SYT9: variants seen among roughly 807,000 people sequenced by gnomAD.
SYT9 encodes synaptotagmin-9.
A neutral mutation model predicts 48.4 loss-of-function variants in SYT9; 22 were observed. That is an observed-to-expected ratio of 0.45 (90% CI 0.32 to 0.65). The LOEUF (loss-of-function observed/expected upper bound fraction) is 0.65. Ranked by LOEUF, SYT9 falls within the 30% of genes least tolerant of loss-of-function variation. The pLI, the probability that SYT9 is intolerant of heterozygous loss-of-function variation, is 0.03. For missense variants in SYT9, 577 were observed against 622.0 expected (o/e 0.93, Z 0.77); for synonymous variants, 265 against 245.0 (o/e 1.08, Z -0.76).
chr11:7,407,394 G>A lies in SYT9; in HGVS notation c.1045-8648G>A, dbSNP rs1180449885. 7.6e-5 allele frequency among the ~76,000 whole-genome samples: 2 copies of A among 26,476 alleles called. 1 individual carries two copies. The highest frequency in any genetic ancestry group is 1.2e-4 in the Non-Finnish European group (2 of 17,098). 17.4% of individuals were successfully genotyped at this position (26,476 alleles called of 152,430 possible). ...TTTTTTTTTTTTTTTTTTTTTTTGA[G>A]ACGGAGTCTCGCTCTGTCGCCCAGG... On this transcript the variant is annotated intron_variant, in intron 3 of 6. Transcript: ENST00000318881.
At chr11:7,345,864 T>A (rs10769780) in intron 3 of SYT9, among the ~76,000 whole-genome samples, 1 of 152,116 alleles carries the variant, frequency 6.6e-6, no homozygotes, top group African/African-American at 2.4e-5. Flanking sequence ...AGAATACTAA[T>A]GTTTAGACTT....
chr11:7,374,046 A>G (rs1369216404), intron 3 of SYT9, among the ~76,000 whole-genome samples: 4 of 151,922 alleles, frequency 2.6e-5, no homozygotes, highest in Non-Finnish European at 5.9e-5. Flanking sequence ...TACATTAGGT[A>G]TTTCTCCCAA....
chr11:7,342,767 T>C (rs1849736687), intron 3 of SYT9, among the ~76,000 whole-genome samples: 1 of 152,156 alleles, frequency 6.6e-6, no homozygotes. Flanking sequence ...AACACCACAT[T>C]TCCCTTCCAC....
chr11:7,437,847 CAA>C (rs1470526559), intron 6 of SYT9: 2 of 152,194 alleles, frequency 1.3e-5, no homozygotes, highest in African/African-American at 2.4e-5. Context: ...ATAGAGAGAC[CAA>C]CTGTGTTTAT....
intron 1 of SYT9, among the ~76,000 whole-genome samples, chr11:7,270,193 A>G (rs951595607): frequency 5.3e-5 from 8 of 152,118 alleles, no homozygotes; most frequent in Non-Finnish European, 1.2e-4. Flanking sequence ...TTATTATATA[A>G]ATATATATTT....
chr11:7,324,128 T>A (rs1849385734), intron 3 of SYT9, among the ~76,000 whole-genome samples: 1 of 151,966 alleles, frequency 6.6e-6, no homozygotes. Flanking sequence ...AATTATTTTT[T>A]ATTTCATTGA....
At chr11:7,414,097 C>G (rs1482485572) in intron 3 of SYT9, among the ~76,000 whole-genome samples, 2 of 152,218 alleles carry the variant, frequency 1.3e-5, no homozygotes, top group Non-Finnish European at 2.9e-5. Flanking sequence ...TGACACATCA[C>G]ATTTAATTAT....
intron 3 of SYT9, among the ~76,000 whole-genome samples, chr11:7,386,450 A>G (rs185559339): frequency 1.9e-3 from 69 of 35,616 alleles, no homozygotes; most frequent in African/African-American, 3.5e-3. Flanking sequence ...CAAATTTACA[A>G]GAAAAAAAAA....
chr11:7,239,159 C>A (rs1847714696), intron 1 of SYT9, among the ~76,000 whole-genome samples: 1 of 152,086 alleles, frequency 6.6e-6, no homozygotes, highest in Admixed American at 6.6e-5. Context: ...GACATAAAAA[C>A]CTTTGAAGGC....
At chr11:7,370,635 G>T (rs1375874270) in intron 3 of SYT9, among the ~76,000 whole-genome samples, 3 of 152,066 alleles carry the variant, frequency 2.0e-5, no homozygotes, top group Non-Finnish European at 1.5e-5. Context: ...GCAACCCTAT[G>T]CTCACTCAAA....
chr11:7,296,099 G>GA (rs1021534042), intron 1 of SYT9, among the ~76,000 whole-genome samples: 1 of 152,004 alleles, frequency 6.6e-6, no homozygotes, highest in Non-Finnish European at 1.5e-5. Flanking sequence ...GATACCTCAT[G>GA]AAAAAAACAG....
intron 6 of SYT9, chr11:7,440,714 C>T (rs543832504): frequency 1.3e-4 from 20 of 152,326 alleles, no homozygotes; most frequent in African/African-American, 4.8e-4. Context: ...AGTGGACTTA[C>T]AAGAATAGGT....
chr11:7,252,170 G>A lies in SYT9; in HGVS notation c.-17G>A. 7.0e-7 allele frequency: 1 copy of A among 1,430,506 alleles called. No homozygotes were observed. The highest frequency in any genetic ancestry group is 9.1e-7 in the Non-Finnish European group (1 of 1,095,138). 88.6% of individuals were successfully genotyped at this position (1,430,506 alleles called of 1,614,324 possible). ...TGCGCCCGCCTGCCCGGCGCGGTCC[G>A]AGGATGCGGGGGGGCGATGCCCGGG... On this transcript the variant is annotated 5_prime_UTR_variant, in exon 1 of 7. Coordinates refer to ENST00000318881, the MANE Select transcript of SYT9 (RefSeq NM_175733.4). This position sits in a 1 kb window ranked among gnomAD's most constrained non-coding sequence, Gnocchi z 6.3.
At chr11:7,253,408 T>C (rs976715904) in intron 1 of SYT9, among the ~76,000 whole-genome samples, 3 of 152,232 alleles carry the variant, frequency 2.0e-5, no homozygotes, top group Admixed American at 2.0e-4. Flanking sequence ...CAATTTATTA[T>C]ATAAAAATCC....
At chr11:7,388,726 A>G (rs1850707368) in intron 3 of SYT9, among the ~76,000 whole-genome samples, 2 of 152,040 alleles carry the variant, frequency 1.3e-5, no homozygotes, top group Admixed American at 1.3e-4. Flanking sequence ...ATTTATTTTG[A>G]CCCATGTTTT....
chr11:7,288,032 A>G (rs1848628769), intron 1 of SYT9, among the ~76,000 whole-genome samples: 1 of 152,134 alleles, frequency 6.6e-6, no homozygotes, highest in Non-Finnish European at 1.5e-5. Flanking sequence ...TCATAACGTC[A>G]TGGCAGATGG....
intron 1 of SYT9, among the ~76,000 whole-genome samples, chr11:7,296,726 G>C (rs1410376452): frequency 6.6e-6 from 1 of 152,074 alleles, no homozygotes; most frequent in African/African-American, 2.4e-5. Flanking sequence ...ATTAAATAAA[G>C]GCTTTGTATT....
chr11:7,339,246 T>C (rs539612762), intron 3 of SYT9, among the ~76,000 whole-genome samples: 1 of 152,290 alleles, frequency 6.6e-6, no homozygotes, highest in Non-Finnish European at 1.5e-5. Context: ...ATAGGTCTCA[T>C]TGCATGTGGA....
intron 3 of SYT9, among the ~76,000 whole-genome samples, chr11:7,333,511 G>T (rs1849579741): frequency 6.6e-6 from 1 of 152,168 alleles, no homozygotes; most frequent in African/African-American, 2.4e-5. Context: ...AAACTGAACA[G>T]ATCTATGAAT....
Sources: gnomAD v4.1 joint callset for allele counts (sites outside exome capture counted in the v4.1 genomes callset) on GRCh38, gnomAD v4.1.1 for gene constraint, Gnocchi (gnomAD v3.1) non-coding constraint, MANE v1.5 for transcripts, NCBI Gene and HGNC (gene_info 2026-07-23, HGNC 2026-07-21) for gene names.